Variants in SANBR observed in about 807,000 individuals in gnomAD.
SANBR encodes the protein SANT and BTB domain regulator of CSR.
A neutral mutation model predicts 101.8 loss-of-function variants in SANBR; 77 were observed. The ratio of observed to expected loss-of-function variants is 0.76; its 90% CI spans 0.63 to 0.91. SANBR has a LOEUF of 0.91. SANBR is among the 40% of genes least tolerant of loss of function. The probability of loss-of-function intolerance (pLI) is 0.00; values close to 1 mark genes in which losing one functional copy is unlikely to be tolerated. For missense variants in SANBR, 875 were observed against 853.0 expected (o/e 1.03, Z -0.32); for synonymous variants, 279 against 274.7 (o/e 1.02, Z -0.15).
chr2:61,072,726 C>T (rs933321386), intron 4 of SANBR, among the ~76,000 whole-genome samples: 4 of 147,622 alleles, frequency 2.7e-5, no homozygotes, highest in Admixed American at 1.4e-4. Context: ...TTTTTAACTA[C>T]GAATATTCTT....
At chr2:61,135,794 G>C (rs574545858) in intron 21 of SANBR, among the ~76,000 whole-genome samples, 1 of 152,110 alleles carries the variant, frequency 6.6e-6, no homozygotes, top group Non-Finnish European at 1.5e-5. Context: ...GCTAAAATAC[G>C]TAGGGAATTA....
chr2:61,088,381 T>C lies in SANBR; in HGVS notation c.1001T>C (p.Leu334Ser). 1 of 1,597,098 alleles carries C rather than the reference T, an allele frequency of 6.3e-7. No homozygotes were observed. Among genetic ancestry groups the C allele is most frequent in the Non-Finnish European group, 8.5e-7 (1 of 1,173,408 alleles). ...LYRCCLCKKL[L>S]TKETERRIPC... ...AGATGCTGTTTGTGTAAGAAACTTT[T>C]AACAAAAGAAACAGAAAGAAGAATT... is the stretch of plus-strand genomic sequence containing the variant. The change falls in exon 10 of 22, where the codon TTA becomes TCA. Residue 334 changes from leucine to serine, a missense_variant. Physicochemically the swap from Leu to Ser is moderately radical, Grantham distance 145. Transcript: ENST00000402291.
Position 61,083,254 on chromosome 2 carries a change from C to T in SANBR, c.830C>T (p.Ala277Val), listed in dbSNP as rs556985918. The change falls in exon 8 of 22, where the codon GCT becomes GTT. Residue 277 changes from alanine to valine, a missense_variant. Transcript: ENST00000402291. ...CINANLLTRI[A>V]DLFSHNEVDD... ...AATGCAAATCTTCTCACACGTATAG[C>T]TGATCTGTTCTCACACAATGAAGTT... The T allele has an allele frequency of 2.7e-5, 43 of 1,610,278 alleles. No homozygotes were observed. Among genetic ancestry groups the T allele is most frequent in the East Asian group, 8.9e-5 (4 of 44,814 alleles).
Position 61,123,074 on chromosome 2 carries a change from C to G in SANBR, c.*912C>G. On this transcript the variant is annotated 3_prime_UTR_variant, in exon 22 of 22. Coordinates refer to ENST00000402291, the MANE Select transcript of SANBR (RefSeq NM_001129993.3). ...AGATAGGTGAAAATTTGCATATATT[C>G]AAGAAAAATCAAAATAAAATTCTAT... 1.0e-6 allele frequency: 1 copy of G among 970,454 alleles called. No homozygotes were observed. The highest frequency in any genetic ancestry group is 1.8e-5 in the African/African-American group (1 of 57,038). The allele number at this position is 970,454 out of a possible 1,614,324, so 60.1% of individuals were successfully genotyped here.
At chr2:61,115,873 T>G (rs1684056192) in intron 16 of SANBR, 106 bp from the exon 17 acceptor site, 3 of 650,944 alleles carry the variant, frequency 4.6e-6, no homozygotes, top group Non-Finnish European at 7.8e-6. Context: ...ATTTGTTAGT[T>G]TTCTTAAAAC....
rs1684435456 is a variant in SANBR at position 61,123,967 on chromosome 2, A to G, written c.*1805A>G. ...AGATTAGCCAGGCATGGTGGCATAC[A>G]CCTGTAGTCCCAGCTACTCGGGAGG... On this transcript the variant is annotated 3_prime_UTR_variant, in exon 22 of 22. Transcript: ENST00000402291. The G allele has an allele frequency of 9.7e-6, 3 of 310,502 alleles. No individual in the cohort carries two copies. The highest frequency in any genetic ancestry group is 2.3e-5 in the African/African-American group (1 of 44,290). 19.2% of individuals were successfully genotyped at this position (310,502 alleles called of 1,614,324 possible).
downstream of SANBR, among the ~76,000 whole-genome samples, chr2:61,128,246 T>G (rs1360886943): frequency 1.4e-5 from 2 of 146,666 alleles, no homozygotes; most frequent in Admixed American, 6.9e-5. Flanking sequence ...CACCCCAGCC[T>G]GGGTGACACA....
intron 5 of SANBR, among the ~76,000 whole-genome samples, chr2:61,076,328 A>C (rs1239948689): frequency 6.7e-6 from 1 of 150,158 alleles, no homozygotes; most frequent in East Asian, 2.0e-4. Flanking sequence ...TTGAAAAATA[A>C]ATTTCAAGGC....
intron 12 of SANBR, among the ~76,000 whole-genome samples, chr2:61,101,515 C>T (rs1019588011): frequency 8.6e-5 from 13 of 150,438 alleles, no homozygotes; most frequent in African/African-American, 1.7e-4. Context: ...GGGCGGATCA[C>T]GAGGTCAGGA....
At chr2:61,130,992 C>T (rs973674679) in intron 20 of SANBR, among the ~76,000 whole-genome samples, 7 of 104,814 alleles carry the variant, frequency 6.7e-5, no homozygotes, top group African/African-American at 2.6e-4. Flanking sequence ...GCATAAAAAG[C>T]AATCGACAAG....
chr2:61,106,630 C>T lies in SANBR; in HGVS notation c.1579C>T (p.Pro527Ser), dbSNP rs896238361. 4 of 1,595,966 alleles carry T rather than the reference C, an allele frequency of 2.5e-6. No homozygotes were observed. The highest frequency in any genetic ancestry group is 2.7e-5 in the African/African-American group (2 of 73,800). The change falls in exon 14 of 22, where the codon CCA (proline) becomes TCA (serine). Residue 527 changes from proline to serine, a missense_variant. Coordinates refer to ENST00000402291, the MANE Select transcript of SANBR (RefSeq NM_001129993.3). ...TGATGTTTTACTGGAGCCAAATACA[C>T]CATGGGGTCCCAAAACTGGGGAGCT... ...ECDVLLEPNT[P>S]WGPKTGELNA...
intron 16 of SANBR, among the ~76,000 whole-genome samples, chr2:61,111,542 CAAT>C (rs1179176403): frequency 1.3e-5 from 2 of 152,172 alleles, no homozygotes; most frequent in Non-Finnish European, 2.9e-5. Context: ...GAAAATTCTA[CAAT>C]GTTTCTTTTC....
intron 21 of SANBR, 75 bp from the exon 22 acceptor site, chr2:61,122,051 C>T: frequency 6.6e-7 from 1 of 1,521,344 alleles, no homozygotes; most frequent in South Asian, 1.3e-5. Flanking sequence ...GCCAAGCCAA[C>T]ATAATCTAAA....
chr2:61,088,866 C>A, intron 10 of SANBR: 1 of 962,238 alleles, frequency 1.0e-6, no homozygotes. Context: ...AAAAATATAA[C>A]TACTTTTATA....
At chr2:61,088,333 T>G (rs770781888) in intron 9 of SANBR, 25 bp from the exon 10 acceptor site, 4 of 1,573,528 alleles carry the variant, frequency 2.5e-6, no homozygotes, top group Non-Finnish European at 3.4e-6. Context: ...TTCCTGGATG[T>G]TTTTTGTATC....
chr2:61,100,882 C>T (rs547762237), intron 12 of SANBR, among the ~76,000 whole-genome samples: 1 of 152,220 alleles, frequency 6.6e-6, no homozygotes, highest in South Asian at 2.1e-4. Context: ...TCACTCTCTC[C>T]AGTAACCCTT....
At chr2:61,088,091 GGTTT>G (rs1319096841) in intron 8 of SANBR, 64 bp from the exon 9 acceptor site, 8 of 780,120 alleles carry the variant, frequency 1.0e-5, no homozygotes, top group African/African-American at 5.3e-5. Context: ...TGCACAGATT[GGTTT>G]GTTTATTTTC....
At chr2:61,077,255 C>G in intron 6 of SANBR, 97 bp downstream of exon 6, 1 of 821,970 alleles carries the variant, frequency 1.2e-6, no homozygotes, top group South Asian at 1.6e-5. Context: ...TGTTTGGACA[C>G]CGGTGTTTAT....
intron 10 of SANBR, among the ~76,000 whole-genome samples, chr2:61,090,862 C>T (rs10175122): frequency 0.2 from 29,944 of 151,788 alleles, 3,201 homozygotes; most frequent in Middle Eastern, 0.33. Flanking sequence ...AGGTGTGAGC[C>T]GCCATTCCTG....
Sources: gnomAD v4.1 joint callset for allele counts (sites outside exome capture counted in the v4.1 genomes callset) on GRCh38, gnomAD v4.1.1 for gene constraint, MANE v1.5 for transcripts, NCBI Gene and HGNC (gene_info 2026-07-23, HGNC 2026-07-21) for gene names.